SRRM4: variants seen among roughly 807,000 people sequenced by gnomAD.
SRRM4 encodes the protein serine/arginine repetitive matrix 4, also known as serine/arginine repetitive matrix protein 4.
Under a neutral mutation model 68.9 loss-of-function variants are expected in SRRM4, and 33 were observed. The ratio of observed to expected loss-of-function variants is 0.48; its 90% CI spans 0.36 to 0.64. SRRM4 has a LOEUF of 0.64. SRRM4 is among the 30% of genes least tolerant of loss of function. The pLI is 0.00. For missense variants in SRRM4, 817 were observed against 827.1 expected, an observed-to-expected ratio of 0.99 and a Z score of 0.15; for synonymous variants, 318 against 318.8, an observed-to-expected ratio of 1.00 and a Z score of 0.03.
intron 7 of SRRM4, among the ~76,000 whole-genome samples, chr12:119,127,918 T>C (rs1316308336): frequency 6.6e-6 from 1 of 152,152 alleles, no homozygotes; most frequent in Non-Finnish European, 1.5e-5. Context: ...TGCTGGTGCT[T>C]GTCTACTTCG....
Position 119,136,508 on chromosome 12 carries a change from G to T in SRRM4, c.771+5674G>T, listed in dbSNP as rs11064680. On this transcript the variant is annotated intron_variant, in intron 8 of 12. Transcript: ENST00000267260. ...TGTTTTGTTTTGTTTAATGGGAAGT[G>T]ACATAGCATTGTCAACTTTTACTTT... Among the ~76,000 whole-genome samples, 3 of 146,576 alleles carry T rather than the reference G, an allele frequency of 2.0e-5. 1 individual carries two copies. The South Asian group carries it at 6.2e-4, about 30-fold the overall frequency.
Position 119,106,069 on chromosome 12 carries a change from C to T in SRRM4, c.278+3687C>T, listed in dbSNP as rs578117056. On this transcript the variant is annotated intron_variant, in intron 2 of 12. Transcript: ENST00000267260. ...CAGCACCACTTATTAAATAGGGAAT[C>T]CATTCCCCATGTCTTGTTTTTGTCA... Among the ~76,000 whole-genome samples, 264 of 152,304 alleles carry T rather than the reference C, an allele frequency of 1.7e-3. 1 individual carries two copies. The highest frequency in any genetic ancestry group is 5.7e-3 in the African/African-American group (235 of 41,566).
chr12:119,006,678 G>T (rs1451843131), intron 1 of SRRM4, among the ~76,000 whole-genome samples: 1 of 152,262 alleles, frequency 6.6e-6, no homozygotes, highest in African/African-American at 2.4e-5. Flanking sequence ...CTCCCAAGGA[G>T]AATTTGTGTC....
In SRRM4 at chr12:119,163,029, G is replaced by T. The variant is rs1954525701; in HGVS notation, c.*6231G>T. ...GAAACATGTCTCTGTTCTAATTAAA[G>T]TTCCCATGGTATGGTGTTCTCATAT... On this transcript the variant is annotated 3_prime_UTR_variant, in exon 13 of 13. Transcript: ENST00000267260. 6.6e-6 allele frequency: 1 copy of T among 152,166 alleles called. No individual in the cohort carries two copies. Among genetic ancestry groups the T allele is most frequent in the South Asian group, 2.1e-4 (1 of 4,824 alleles). The allele number at this position is 152,166 out of a possible 1,614,324, so 9.4% of individuals were successfully genotyped here. A position where few individuals can be genotyped will look rare whatever the true frequency, so the allele number is the denominator to read the frequency against.
intron 1 of SRRM4, among the ~76,000 whole-genome samples, chr12:118,984,886 T>C (rs887861659): frequency 1.3e-5 from 2 of 152,238 alleles, no homozygotes; most frequent in Admixed American, 6.5e-5. Context: ...CCTGGTTCTA[T>C]CATTTACTAG....
chr12:119,145,424 C>G lies in SRRM4; in HGVS notation c.815C>G (p.Ala272Gly), dbSNP rs766720093. 6.2e-7 allele frequency: 1 copy of G among 1,606,400 alleles called. No individual in the cohort carries two copies. The highest frequency in any genetic ancestry group is 2.2e-5 in the East Asian group (1 of 44,626). ...GSAADLFTKT[A>G]SPLTTSRGRS... ...GCTGCTGACCTCTTTACCAAAACAG[C>G]CAGCCCGCTCACCACCTCGCGAGGA... Residue 272 changes from alanine (A) to glycine (G), a missense_variant, in exon 9 of 13, where the codon GCC becomes GGC. Transcript: ENST00000267260.
At chr12:119,130,326 G>A (rs986526091) in intron 7 of SRRM4, among the ~76,000 whole-genome samples, 6 of 151,682 alleles carry the variant, frequency 4.0e-5, no homozygotes, top group African/African-American at 1.5e-4. Flanking sequence ...ATGGAGGGAT[G>A]GATGGATACA....
chr12:119,040,481 G>C (rs970670641), intron 1 of SRRM4, among the ~76,000 whole-genome samples: 4 of 152,186 alleles, frequency 2.6e-5, no homozygotes, highest in African/African-American at 9.7e-5. Context: ...ACTTCACTTA[G>C]AATGATAGTC....
chr12:119,105,423 T>G (rs544766267), intron 2 of SRRM4, among the ~76,000 whole-genome samples: 12 of 152,350 alleles, frequency 7.9e-5, no homozygotes, highest in African/African-American at 2.4e-4. Context: ...TGAACTAGTT[T>G]ACACTCCCAC....
intron 1 of SRRM4, among the ~76,000 whole-genome samples, chr12:119,072,624 G>GATAGAGGTA (rs3076248): frequency 6.6e-6 from 1 of 151,390 alleles, no homozygotes; most frequent in Non-Finnish European, 1.5e-5. Context: ...TTTACCCGCA[G>GATAGAGGTA]ATTGAACAGA....
At chr12:119,034,724 C>T (rs753472473) in intron 1 of SRRM4, among the ~76,000 whole-genome samples, 1 of 152,142 alleles carries the variant, frequency 6.6e-6, no homozygotes, top group Admixed American at 6.5e-5. Flanking sequence ...CCCTGCAAAA[C>T]GCCCTCTCTG....
intron 1 of SRRM4, chr12:118,992,149 G>A (rs1953320624): frequency 2.6e-5 from 4 of 152,224 alleles, no homozygotes; most frequent in Admixed American, 1.3e-4. Context: ...TTAGCAGAAA[G>A]AGACACTGAA....
intron 6 of SRRM4, among the ~76,000 whole-genome samples, chr12:119,122,714 C>T (rs1483880467): frequency 6.6e-6 from 1 of 151,980 alleles, no homozygotes; most frequent in Non-Finnish European, 1.5e-5. Flanking sequence ...ATTCTATGCA[C>T]TGTGTGTGTG....
At chr12:119,122,304 A>AAGGAAGGAAGGC (rs1954226398) in intron 6 of SRRM4, among the ~76,000 whole-genome samples, 184 bp downstream of exon 6, 1 of 109,578 alleles carries the variant, frequency 9.1e-6, no homozygotes, top group African/African-American at 2.7e-5. Context: ...GGAAGGAAGG[A>AAGGAAGGAAGGC]AGGAAGGAAG....
intron 1 of SRRM4, among the ~76,000 whole-genome samples, chr12:118,984,356 T>G (rs1198633605): frequency 2.0e-5 from 3 of 152,190 alleles, no homozygotes; most frequent in African/African-American, 7.2e-5. Flanking sequence ...TCAGCTGGGT[T>G]TGGGTGGCTT....
chr12:119,021,610 A>G (rs1397087813), intron 1 of SRRM4, among the ~76,000 whole-genome samples: 2 of 152,184 alleles, frequency 1.3e-5, no homozygotes, highest in Non-Finnish European at 2.9e-5. Context: ...ATGGCTGAAA[A>G]GTCCAGCTTT....
intron 1 of SRRM4, among the ~76,000 whole-genome samples, chr12:119,081,097 G>C (rs781442408): frequency 2.0e-5 from 3 of 152,196 alleles, no homozygotes; most frequent in Admixed American, 1.3e-4. Context: ...AAAGATCCGA[G>C]AAATAGCTGT....
chr12:119,126,772 C>A (rs932389496), intron 7 of SRRM4, among the ~76,000 whole-genome samples: 1 of 151,556 alleles, frequency 6.6e-6, no homozygotes, highest in Non-Finnish European at 1.5e-5. Flanking sequence ...ATGTTTATTG[C>A]GGCATTATTC....
rs138712158 is a variant in SRRM4, at chr12:118,992,605, T to C, written c.131+10592T>C. The stretch of plus-strand genomic sequence containing the variant: ...GGTATCTGAGCAGTGGTGCAGGATT[T>C]ATCATATGGATGGTTGTTTGCTGCA... On this transcript the variant is annotated intron_variant, in intron 1 of 12. Coordinates refer to ENST00000267260, the MANE Select transcript of SRRM4 (RefSeq NM_194286.4). Among the ~76,000 whole-genome samples the C allele has an allele frequency of 3.6e-4, 55 of 152,358 alleles. 1 individual carries two copies. The East Asian group carries it at 0.01, about 29-fold the overall frequency.
Sources: allele counts gnomAD v4.1 joint callset (sites outside exome capture counted in the v4.1 genomes callset), GRCh38; gene constraint gnomAD v4.1.1; transcripts MANE v1.5; gene names NCBI Gene and HGNC (gene_info 2026-07-23, HGNC 2026-07-21).